Variants in MSMO1 observed in about 807,000 individuals in gnomAD.
MSMO1 encodes the protein C-4 methylsterol oxidase.
Under a neutral mutation model 30.4 loss-of-function variants are expected in MSMO1, and 18 were observed. The ratio of observed to expected loss-of-function variants is 0.59; its 90% CI spans 0.41 to 0.88. The LOEUF (loss-of-function observed/expected upper bound fraction) is 0.88, where lower values mean the gene tolerates loss of function less well. MSMO1 is among the 40% of genes least tolerant of loss of function. The pLI is 0.00. For missense variants in MSMO1, 284 were observed against 340.5 expected (o/e 0.83, Z 1.31); for synonymous variants, 84 against 107.9 (o/e 0.78, Z 1.37).
chr4:165,334,202 G>A (rs1439759181), intron 2 of MSMO1, among the ~76,000 whole-genome samples: 1 of 152,094 alleles, frequency 6.6e-6, no homozygotes, highest in Non-Finnish European at 1.5e-5. Flanking sequence ...ATTAATTTTA[G>A]TCTATCTCAA....
chr4:165,337,719 A>T (rs1747598217), intron 2 of MSMO1, 70 bp from the exon 3 acceptor site: 17 of 1,491,766 alleles, frequency 1.1e-5, no homozygotes, highest in Non-Finnish European at 7.5e-6. Flanking sequence ...ACATAAACAG[A>T]GAACAAATTA....
At chr4:165,331,968 G>A (rs549523866) in intron 1 of MSMO1, among the ~76,000 whole-genome samples, 11 of 149,578 alleles carry the variant, frequency 7.4e-5, no homozygotes, top group African/African-American at 2.2e-4. Flanking sequence ...CTACCCCGTC[G>A]CCACTCTGTC....
intron 1 of MSMO1, among the ~76,000 whole-genome samples, chr4:165,330,135 A>G (rs1336774010): frequency 2.0e-5 from 3 of 152,244 alleles, no homozygotes; most frequent in African/African-American, 2.4e-5. Context: ...ATAGTGTAAT[A>G]TAATGGATGA....
At chr4:165,338,109 A>G (rs1316161989) in intron 3 of MSMO1, among the ~76,000 whole-genome samples, 172 bp downstream of exon 3, 2 of 152,252 alleles carry the variant, frequency 1.3e-5, no homozygotes, top group East Asian at 1.9e-4. Context: ...CCATTTTTAC[A>G]TCTTTTAAAT....
chr4:165,338,745 C>A lies in MSMO1; in HGVS notation c.498C>A (p.Tyr166Ter). 1 of 1,592,334 alleles carries A rather than the reference C, an allele frequency of 6.3e-7. No individual in the cohort carries two copies. The highest frequency in any genetic ancestry group is 8.6e-7 in the Non-Finnish European group (1 of 1,160,674). The change falls in exon 4 of 6, where the codon TAC becomes TAA. Residue 166 changes from tyrosine to a stop codon, truncating the protein, a stop_gained. Transcript: ENST00000261507. LOFTEE classifies it high-confidence loss of function. Reference protein sequence around the residue: ...LHRLLHHKRIYKYIHKVHHEF... With the variant: ...LHRLLHHKRI ...GACTCTTACACCACAAAAGAATATACAAGTATATTCATAAAGTTCATCATG... is the reference window on the plus strand; with the variant it reads ...GACTCTTACACCACAAAAGAATATAAAAGTATATTCATAAAGTTCATCATG...
At chr4:165,341,153 T>A (rs893774711) in intron 5 of MSMO1, among the ~76,000 whole-genome samples, 1 of 152,160 alleles carries the variant, frequency 6.6e-6, no homozygotes, top group Admixed American at 6.5e-5. Flanking sequence ...TGTAGATATG[T>A]AGTTGGAAAT....
intron 5 of MSMO1, chr4:165,340,624 T>A: frequency 2.1e-6 from 1 of 485,868 alleles, no homozygotes; most frequent in African/African-American, 1.9e-5. Context: ...GCAATTTCCT[T>A]ATCCTTCTGT....
chr4:165,343,134 A>C lies in MSMO1; in HGVS notation c.*1188A>C, dbSNP rs1179531788. ...TTATTCTTAAACTTGAAAGTACAGA[A>C]ATCATTAAATTATTAAGTTGTACAA... is the stretch of plus-strand genomic sequence containing the variant. On this transcript the variant is annotated 3_prime_UTR_variant, in exon 6 of 6. Coordinates refer to ENST00000261507, the MANE Select transcript of MSMO1 (RefSeq NM_006745.5). 1 of 151,796 alleles carries C rather than the reference A, an allele frequency of 6.6e-6. No individual in the cohort carries two copies. The allele number at this position is 151,796 out of a possible 1,614,324, so 9.4% of individuals were successfully genotyped here.
At chr4:165,335,308 G>GC (rs1747509000) in intron 2 of MSMO1, among the ~76,000 whole-genome samples, 1 of 152,166 alleles carries the variant, frequency 6.6e-6, no homozygotes. Context: ...TGGGGATAAT[G>GC]CAGGGGTCAG....
At position 165,333,804 on chromosome 4, in the gene MSMO1, T is replaced by C. The variant is rs1579214074; in HGVS notation, c.255+179T>C. On this transcript the variant is annotated intron_variant, in intron 2 of 5. Transcript: ENST00000261507. Reference sequence around the variant, plus strand: ...GAAAAGGTAAAAAGAAATAAGGAAATTAATTTCATAATGTGTATCATTTAG... The same window carrying C: ...GAAAAGGTAAAAAGAAATAAGGAAACTAATTTCATAATGTGTATCATTTAG... Among the ~76,000 whole-genome samples, 3 of 152,320 alleles carry C rather than the reference T, an allele frequency of 2.0e-5. 1 individual carries two copies.
chr4:165,331,719 T>G (rs1747393799), intron 1 of MSMO1, among the ~76,000 whole-genome samples: 1 of 152,190 alleles, frequency 6.6e-6, no homozygotes, highest in African/African-American at 2.4e-5. Flanking sequence ...AATACTCATT[T>G]TTAAAATGGT....
rs759157226 is a variant in MSMO1, at chr4:165,340,317, G to A, written c.628G>A (p.Val210Ile). Residue 210 changes from valine (V) to isoleucine (I), a missense_variant, in exon 5 of 6, where the codon GTA (valine) becomes ATA (isoleucine). By Grantham distance (29) the Val-to-Ile change is conservative. Transcript: ENST00000261507. ...FIGIVLLCDHVILLWAWVTIR... is the reference protein window; with the variant it reads ...FIGIVLLCDHIILLWAWVTIR... The stretch of plus-strand genomic sequence containing the variant: ...TGGAATCGTGCTTTTGTGTGATCAT[G>A]TAATTCTTCTTTGGGCATGGGTGAC... The A allele has an allele frequency of 6.2e-7, 1 of 1,613,924 alleles. No homozygotes were observed. The highest frequency in any genetic ancestry group is 8.5e-7 in the Non-Finnish European group (1 of 1,179,896).
chr4:165,340,671 T>C (rs112843723), intron 5 of MSMO1: 4 of 364,884 alleles, frequency 1.1e-5, no homozygotes, highest in Non-Finnish European at 1.0e-5. Context: ...GAAAAAAATA[T>C]CAAAGCATTC....
In MSMO1 at chr4:165,333,436, A is replaced by C. The variant is rs1194488310; in HGVS notation, c.66A>C (p.Ser22=). 6.2e-7 allele frequency: 1 copy of C among 1,612,350 alleles called. No individual in the cohort carries two copies. The highest frequency in any genetic ancestry group is 8.5e-7 in the Non-Finnish European group (1 of 1,179,694). The change falls in exon 2 of 6, where the codon TCA becomes TCC. Residue 22 remains serine, a synonymous_variant. Coordinates refer to ENST00000261507, the MANE Select transcript of MSMO1 (RefSeq NM_006745.5). ...CCTTGGCTGTGGAATATGTAGATTC[A>C]CTTTTACCTGAGAATCCTCTGCAAG... ...SASLAVEYVD[S]LLPENPLQEP... is the part of the protein sequence containing the mutation.
intron 2 of MSMO1, among the ~76,000 whole-genome samples, 190 bp downstream of exon 2, chr4:165,333,815 A>G (rs1345089363): frequency 6.6e-6 from 1 of 152,232 alleles, no homozygotes; most frequent in Non-Finnish European, 1.5e-5. Flanking sequence ...TAATTTCATA[A>G]TGTGTATCAT....
At chr4:165,340,396 A>C in intron 5 of MSMO1, 21 bp downstream of exon 5, 5 of 1,591,678 alleles carry the variant, frequency 3.1e-6, no homozygotes, top group Non-Finnish European at 3.4e-6. Context: ...ATTTCTGTTC[A>C]GGTATAAAGC....
chr4:165,339,852 G>T (rs1747668001), intron 4 of MSMO1, among the ~76,000 whole-genome samples: 1 of 152,198 alleles, frequency 6.6e-6, no homozygotes, highest in Non-Finnish European at 1.5e-5. Context: ...AATCTGTAAA[G>T]CAGGCTACAG....
Position 165,343,161 on chromosome 4 carries a change from A to G in MSMO1, c.*1215A>G, listed in dbSNP as rs1474940397. 7.0e-6 allele frequency: 1 copy of G among 143,242 alleles called. No individual in the cohort carries two copies. The highest frequency in any genetic ancestry group is 1.5e-5 in the Non-Finnish European group (1 of 67,086). The allele number at this position is 143,242 out of a possible 1,614,324, so 8.9% of individuals were successfully genotyped here. A position where few individuals can be genotyped will look rare whatever the true frequency, so the allele number is the denominator to read the frequency against. On this transcript the variant is annotated 3_prime_UTR_variant, in exon 6 of 6. Transcript: ENST00000261507. Reference sequence around the variant, plus strand: ...TCATTAAATTATTAAGTTGTACAATAAAAGGATTGGTTTCTTTTCTTTTTT... The same window carrying G: ...TCATTAAATTATTAAGTTGTACAATGAAAGGATTGGTTTCTTTTCTTTTTT...
chr4:165,341,656 C>T (rs1051605526), intron 5 of MSMO1, 95 bp from the exon 6 acceptor site: 2 of 1,150,804 alleles, frequency 1.7e-6, no homozygotes, highest in African/African-American at 1.5e-5. Context: ...GGCATGTTAT[C>T]TAAATTGGTT....
Sources: gnomAD v4.1 joint callset for allele counts (sites outside exome capture counted in the v4.1 genomes callset) on GRCh38, gnomAD v4.1.1 for gene constraint, MANE v1.5 for transcripts, NCBI Gene and HGNC (gene_info 2026-07-23, HGNC 2026-07-21) for gene names.